LIPA: variants seen among roughly 807,000 people sequenced by gnomAD.
LIPA encodes the protein lipase A, lysosomal acid type.
LIPA carries 26 observed loss-of-function variants against 40.6 expected under a neutral mutation model. The observed-to-expected ratio is 0.64, with a 90% CI of 0.47 to 0.89. LIPA has a LOEUF of 0.89. Ranked by LOEUF, LIPA falls within the 40% of genes least tolerant of loss-of-function variation. The pLI is 0.00. For synonymous variants in LIPA, 188 were observed against 168.4 expected (o/e 1.12, Z -0.90); for missense variants, 455 against 479.6 (o/e 0.95, Z 0.48).
intron 1 of LIPA, among the ~76,000 whole-genome samples, chr10:89,323,023 C>T (rs560269317): frequency 8.0e-4 from 122 of 152,318 alleles, no homozygotes; most frequent in African/African-American, 2.9e-3. Context: ...CCCCACCTAC[C>T]CTGGCCTCTT....
At chr10:89,218,766 A>T (rs1278340898) in intron 8 of LIPA, among the ~76,000 whole-genome samples, 1 of 152,218 alleles carries the variant, frequency 6.6e-6, no homozygotes, top group Admixed American at 6.5e-5. Context: ...CATGGAACAC[A>T]GCCAAAACCC....
chr10:89,360,127 T>C (rs904164403), intron 2 of LIPA, among the ~76,000 whole-genome samples: 8 of 152,152 alleles, frequency 5.3e-5, no homozygotes, highest in African/African-American at 1.9e-4. Context: ...ATAAAACATA[T>C]GAGAATGAAC....
intron 3 of LIPA, among the ~76,000 whole-genome samples, chr10:89,230,826 C>T (rs1465978405): frequency 6.6e-6 from 1 of 152,178 alleles, no homozygotes; most frequent in Non-Finnish European, 1.5e-5. Flanking sequence ...TATATATCAA[C>T]TCATACTATT....
At chr10:89,394,331 T>C (rs1844301876) in intron 2 of LIPA, among the ~76,000 whole-genome samples, 1 of 152,156 alleles carries the variant, frequency 6.6e-6, no homozygotes, top group South Asian at 2.1e-4. Context: ...ATGCAGTGCA[T>C]GGCTGTATGA....
intron 1 of LIPA, among the ~76,000 whole-genome samples, chr10:89,271,106 A>G (rs1843263486): frequency 6.6e-6 from 1 of 152,092 alleles, no homozygotes; most frequent in Non-Finnish European, 1.5e-5. Flanking sequence ...TGTGACCCCT[A>G]CTCATACTAC....
chr10:89,375,307 A>T (rs566241001), intron 2 of LIPA, among the ~76,000 whole-genome samples: 70 of 152,234 alleles, frequency 4.6e-4, no homozygotes, highest in Non-Finnish European at 9.6e-4. Flanking sequence ...GTCTGATTCC[A>T]GGTGGCCTTC....
intron 3 of LIPA, among the ~76,000 whole-genome samples, chr10:89,231,701 C>T (rs1172071589): frequency 6.6e-6 from 1 of 152,152 alleles, no homozygotes; most frequent in Admixed American, 6.6e-5. Flanking sequence ...TGGTCTCAAA[C>T]TCCTGGCCTC....
intron 2 of LIPA, among the ~76,000 whole-genome samples, chr10:89,392,220 A>G (rs1168180519): frequency 6.6e-6 from 1 of 152,178 alleles, no homozygotes; most frequent in African/African-American, 2.4e-5. Flanking sequence ...TTTATATTTG[A>G]TAGTAGGTTC....
At position 89,232,719 on chromosome 10, in the gene LIPA, A is replaced by C. The variant is rs1842857472; in HGVS notation, c.230-4321T>G. 2.0e-5 allele frequency among the ~76,000 whole-genome samples: 3 copies of C among 152,196 alleles called. No homozygotes were observed. The South Asian group carries it at 6.2e-4, about 32-fold the overall frequency. ...ACATGGGACCAGGACTCAGCTCCCC[A>C]CCTTCTCTCGATGGAGAATGTTTAA... On this transcript the variant is annotated intron_variant, in intron 3 of 9. Transcript: ENST00000336233.
intron 1 of LIPA, chr10:89,328,046 C>T (rs769537037): frequency 1.2e-5 from 19 of 1,613,684 alleles, no homozygotes; most frequent in Non-Finnish European, 1.5e-5. Flanking sequence ...ACCAGCTTTT[C>T]GGAACAGCAG....
chr10:89,381,541 C>T (rs914271423), intron 2 of LIPA, among the ~76,000 whole-genome samples: 1 of 152,110 alleles, frequency 6.6e-6, no homozygotes, highest in Non-Finnish European at 1.5e-5. Context: ...CTCTCATATT[C>T]CACAGACTCA....
At chr10:89,354,164 A>G (rs999817600) in intron 2 of LIPA, among the ~76,000 whole-genome samples, 6 of 152,152 alleles carry the variant, frequency 3.9e-5, no homozygotes, top group Non-Finnish European at 7.4e-5. Context: ...CCTCTACCCC[A>G]CCACCATATA....
chr10:89,245,317 T>C (rs746437775), intron 3 of LIPA, among the ~76,000 whole-genome samples: 2 of 152,204 alleles, frequency 1.3e-5, no homozygotes, highest in African/African-American at 2.4e-5. Flanking sequence ...ACTGTATGTC[T>C]TCTAATTCTC....
chr10:89,413,632 T>G (rs1381323151), intron 1 of LIPA, among the ~76,000 whole-genome samples: 1 of 151,986 alleles, frequency 6.6e-6, no homozygotes, highest in Admixed American at 6.5e-5. Flanking sequence ...CCCGACATAG[T>G]GGTGCACGCA....
intron 2 of LIPA, chr10:89,402,142 T>G (rs1844435044): frequency 1.6e-6 from 1 of 640,580 alleles, no homozygotes; most frequent in East Asian, 2.8e-5. Context: ...ATGAATAACT[T>G]AAAAATACAT....
chr10:89,393,818 G>A (rs2133614161), intron 2 of LIPA, among the ~76,000 whole-genome samples: 1 of 152,182 alleles, frequency 6.6e-6, no homozygotes, highest in South Asian at 2.1e-4. Flanking sequence ...ATTTTGAAGA[G>A]GTAAAAATTC....
chr10:89,216,896 C>A (rs1031305113), intron 8 of LIPA, among the ~76,000 whole-genome samples: 2 of 152,094 alleles, frequency 1.3e-5, no homozygotes, highest in African/African-American at 4.8e-5. Flanking sequence ...GTACTGGTAT[C>A]AGTATAATCA....
intron 1 of LIPA, among the ~76,000 whole-genome samples, chr10:89,281,373 A>G (rs1843313845): frequency 6.6e-6 from 1 of 152,204 alleles, no homozygotes; most frequent in African/African-American, 2.4e-5. Flanking sequence ...GTTGACTACA[A>G]ATCCACACTT....
chr10:89,395,479 A>AT (rs1016859192), intron 2 of LIPA, among the ~76,000 whole-genome samples: 17 of 151,790 alleles, frequency 1.1e-4, no homozygotes, highest in African/African-American at 3.6e-4. Flanking sequence ...TTCACATACT[A>AT]TTTTTTTCAA....
Sources: allele counts gnomAD v4.1 joint callset (sites outside exome capture counted in the v4.1 genomes callset), GRCh38; gene constraint gnomAD v4.1.1; transcripts MANE v1.5; gene names NCBI Gene and HGNC (gene_info 2026-07-23, HGNC 2026-07-21).